Variants in SYT1 observed in about 807,000 individuals in gnomAD.
SYT1 encodes the protein synaptotagmin 1, also known as synaptotagmin-1.
SYT1 carries 8 observed loss-of-function variants against 44.8 expected under a neutral mutation model. That is an observed-to-expected ratio of 0.18 (90% CI 0.10 to 0.32). The LOEUF is 0.32. Among genes scored for constraint, SYT1 ranks in the 10% least tolerant of loss-of-function variants. The pLI, the probability that SYT1 is intolerant of heterozygous loss-of-function variation, is 1.00. For missense variants in SYT1, 286 were observed against 509.3 expected (o/e 0.56, Z 4.22); for synonymous variants, 154 against 188.8 (o/e 0.82, Z 1.51).
rs146861393 is a variant in SYT1 at position 79,352,592 on chromosome 12, A to C, written c.811-910A>C. Among the ~76,000 whole-genome samples the C allele has an allele frequency of 2.7e-3, 414 of 152,302 alleles. 4 individuals carry two copies. Among genetic ancestry groups the C allele is most frequent in the African/African-American group, 8.3e-3 (344 of 41,578 alleles). ...CTCTATCTCTATCTCATGCTTATAA[A>C]TATGAATGCAAATTCTACTTATGTT... On this transcript the variant is annotated intron_variant, in intron 8 of 10. Transcript: ENST00000261205.
At chr12:79,284,603 C>T (rs144297503) in intron 4 of SYT1, among the ~76,000 whole-genome samples, 6 of 151,990 alleles carry the variant, frequency 3.9e-5, no homozygotes, top group East Asian at 1.9e-4. Flanking sequence ...TTTGCAAGGC[C>T]GAGGCAGGTG....
At chr12:78,958,603 G>A (rs940605897) in intron 1 of SYT1, among the ~76,000 whole-genome samples, 1 of 151,898 alleles carries the variant, frequency 6.6e-6, no homozygotes, top group African/African-American at 2.4e-5. Flanking sequence ...GCTAAAGCAT[G>A]AGAATCACTT....
chr12:78,988,398 A>G (rs1034719565), intron 2 of SYT1, among the ~76,000 whole-genome samples: 1 of 147,530 alleles, frequency 6.8e-6, no homozygotes, highest in Admixed American at 6.8e-5. Context: ...ATATAGTAAG[A>G]TTTATATTAT....
intron 1 of SYT1, among the ~76,000 whole-genome samples, chr12:78,931,372 GGAAGGAAGGAAGGAAGGAAGGA>G: frequency 1.9e-5 from 2 of 104,936 alleles, no homozygotes; most frequent in Non-Finnish European, 3.8e-5. Flanking sequence ...AAGGAAGGAA[GGAAGGAAGGAAGGAAGGAAGGA>G]AGGGAGGAGA....
At position 79,100,855 on chromosome 12, in the gene SYT1, A is replaced by T. The variant is rs144147669; in HGVS notation, c.-18+53493A>T. On this transcript the variant is annotated intron_variant, in intron 3 of 10. Coordinates refer to ENST00000261205, the MANE Select transcript of SYT1 (RefSeq NM_005639.3). ...TAACTGTTTTTTAAAAACTTTGAAG[A>T]ATGGTTTAATCCTTATATGTAAATT... 6.7e-3 allele frequency among the ~76,000 whole-genome samples: 1,025 copies of T among 152,202 alleles called. 15 individuals carry two copies. Among genetic ancestry groups the T allele is most frequent in the African/African-American group, 0.024 (984 of 41,558 alleles).
intron 6 of SYT1, among the ~76,000 whole-genome samples, chr12:79,292,814 A>G (rs1879653130): frequency 6.6e-6 from 1 of 152,142 alleles, no homozygotes; most frequent in Non-Finnish European, 1.5e-5. Flanking sequence ...TAGATGAATG[A>G]TAATATTGGC....
chr12:78,982,200 G>A (rs1334645230), intron 2 of SYT1, among the ~76,000 whole-genome samples: 2 of 152,108 alleles, frequency 1.3e-5, no homozygotes, highest in Non-Finnish European at 2.9e-5. Context: ...TTTTTGAGCT[G>A]ATATATCTCA....
chr12:79,010,516 T>C (rs1390518509), intron 2 of SYT1, among the ~76,000 whole-genome samples: 3 of 151,938 alleles, frequency 2.0e-5, no homozygotes, highest in Admixed American at 1.3e-4. Flanking sequence ...GGAGAGGAGG[T>C]ATCTATATTT....
chr12:79,049,108 G>A (rs911124365), intron 3 of SYT1, among the ~76,000 whole-genome samples: 2 of 151,828 alleles, frequency 1.3e-5, no homozygotes, highest in Admixed American at 1.3e-4. Flanking sequence ...TCGGCCCTCT[G>A]AGTATAATTT....
At chr12:79,186,719 A>C (rs980856333) in intron 3 of SYT1, among the ~76,000 whole-genome samples, 2 of 152,024 alleles carry the variant, frequency 1.3e-5, no homozygotes, top group Admixed American at 1.3e-4. Context: ...TCCTCCTACC[A>C]GATTTCTCTT....
At chr12:79,353,414 T>A (rs1003623963) in intron 8 of SYT1, 88 bp from the exon 9 acceptor site, 15 of 1,018,262 alleles carry the variant, frequency 1.5e-5, no homozygotes, top group Middle Eastern at 2.1e-4. Context: ...AACATAATCC[T>A]CCTCTTGAAG....
chr12:78,997,561 A>T (rs1339486322), intron 2 of SYT1, among the ~76,000 whole-genome samples: 3 of 152,038 alleles, frequency 2.0e-5, no homozygotes, highest in African/African-American at 7.2e-5. Flanking sequence ...TTTATAAGTG[A>T]TACTTGAGGA....
chr12:79,424,953 C>CTTCTT (rs1555224859), intron 9 of SYT1, among the ~76,000 whole-genome samples: 2 of 85,254 alleles, frequency 2.3e-5, no homozygotes, highest in African/African-American at 9.3e-5. Context: ...TTTTCTTCTT[C>CTTCTT]TTTTTTTTTT....
chr12:79,167,694 AT>A (rs1871296396), intron 3 of SYT1, among the ~76,000 whole-genome samples: 1 of 152,022 alleles, frequency 6.6e-6, no homozygotes, highest in African/African-American at 2.4e-5. Context: ...TTCCCCCAAA[AT>A]CTAATAAATT....
chr12:78,893,545 T>G (rs1310675369), intron 1 of SYT1, among the ~76,000 whole-genome samples: 1 of 151,730 alleles, frequency 6.6e-6, no homozygotes, highest in Non-Finnish European at 1.5e-5. Flanking sequence ...TCATGAAGTC[T>G]GAACTATAAG....
At chr12:79,334,501 T>C (rs1468641628) in intron 8 of SYT1, among the ~76,000 whole-genome samples, 1 of 151,958 alleles carries the variant, frequency 6.6e-6, no homozygotes, top group Non-Finnish European at 1.5e-5. Context: ...CAGTGAGAAA[T>C]AAGTAGGAGA....
chr12:79,093,564 C>T (rs982476579), intron 3 of SYT1, among the ~76,000 whole-genome samples: 9 of 151,506 alleles, frequency 5.9e-5, no homozygotes, highest in African/African-American at 1.9e-4. Flanking sequence ...TTTCTGAAAC[C>T]TTTATAATAA....
chr12:79,389,248 CAT>C (rs1473564573), intron 9 of SYT1, among the ~76,000 whole-genome samples: 5 of 152,152 alleles, frequency 3.3e-5, no homozygotes, highest in South Asian at 2.1e-4. Flanking sequence ...TTTAACAAAA[CAT>C]ATGTTAGCCG....
rs565864126 is a variant in SYT1 at position 79,332,548 on chromosome 12, G to A, written c.811-20954G>A. ...TAATTAGTTGCATAACCTTTATGCAGAAATGAATGAGAACAGAAGATCACC... is the reference window on the plus strand; with the variant it reads ...TAATTAGTTGCATAACCTTTATGCAAAAATGAATGAGAACAGAAGATCACC... On this transcript the variant is annotated intron_variant, in intron 8 of 10. Coordinates refer to ENST00000261205, the MANE Select transcript of SYT1 (RefSeq NM_005639.3). Among the ~76,000 whole-genome samples, 4 of 152,286 alleles carry A rather than the reference G, an allele frequency of 2.6e-5. No homozygotes were observed. The South Asian group carries it at 8.3e-4, about 32-fold the overall frequency.
Sources: allele counts gnomAD v4.1 joint callset (sites outside exome capture counted in the v4.1 genomes callset), GRCh38; gene constraint gnomAD v4.1.1; transcripts MANE v1.5; gene names NCBI Gene and HGNC (gene_info 2026-07-23, HGNC 2026-07-21).